Variants in PDE1C observed in about 807,000 individuals in gnomAD.
PDE1C encodes the protein dual specificity calcium/calmodulin-dependent 3',5'-cyclic nucleotide phosphodiesterase 1C.
In PDE1C, 62 loss-of-function variants were observed where a neutral mutation model predicts 93.1. The observed-to-expected ratio is 0.67, with a 90% CI of 0.54 to 0.82. PDE1C has a LOEUF of 0.82. Among genes scored for constraint, PDE1C ranks in the 40% least tolerant of loss-of-function variants. PDE1C has a pLI of 0.00. For missense variants in PDE1C, 742 were observed against 884.6 expected (o/e 0.84, Z 2.04); for synonymous variants, 325 against 310.1 (o/e 1.05, Z -0.50).
intron 11 of PDE1C, among the ~76,000 whole-genome samples, chr7:31,833,346 A>G (rs767629903): frequency 9.2e-5 from 14 of 152,172 alleles, no homozygotes; most frequent in Admixed American, 2.0e-4. Context: ...AATACAGTAA[A>G]TTGGTACTGG....
At chr7:32,070,660 G>A, upstream of PDE1C, 8 of 1,351,052 alleles carry the variant, frequency 5.9e-6, no homozygotes, top group Non-Finnish European at 7.6e-6. Context: ...ACAGGGATAG[G>A]GATAGAGATA....
intron 3 of PDE1C, among the ~76,000 whole-genome samples, chr7:32,157,262 T>C (rs2128795101): frequency 6.6e-6 from 1 of 152,350 alleles, no homozygotes; most frequent in African/African-American, 2.4e-5. Flanking sequence ...TAAGTTCTAG[T>C]ATTCGATAGT....
chr7:32,296,001 T>C (rs1187096865), intron 1 of PDE1C, among the ~76,000 whole-genome samples: 1 of 151,682 alleles, frequency 6.6e-6, no homozygotes, highest in African/African-American at 2.4e-5. Context: ...TAGCCAACAA[T>C]AGGAAGTTGA....
At chr7:31,906,345 TCTC>T (rs1016403342) in intron 2 of PDE1C, among the ~76,000 whole-genome samples, 7 of 152,186 alleles carry the variant, frequency 4.6e-5, no homozygotes, top group African/African-American at 7.2e-5. Context: ...AATGTCAACT[TCTC>T]CTAATAATTC....
chr7:31,970,637 CTTA>C (rs2129048203), intron 2 of PDE1C, among the ~76,000 whole-genome samples: 1 of 152,342 alleles, frequency 6.6e-6, no homozygotes, highest in South Asian at 2.1e-4. Context: ...TTCACTGACA[CTTA>C]TTAAGTATCT....
intron 1 of PDE1C, among the ~76,000 whole-genome samples, chr7:32,234,821 A>G (rs1187068986): frequency 3.9e-5 from 6 of 152,028 alleles, no homozygotes; most frequent in African/African-American, 7.2e-5. Context: ...ACAAAGAGAA[A>G]AACAACCACA....
intron 1 of PDE1C, among the ~76,000 whole-genome samples, chr7:32,307,324 T>A (rs1489548129): frequency 6.6e-6 from 1 of 152,096 alleles, no homozygotes; most frequent in Admixed American, 6.5e-5. Flanking sequence ...CTTCTCTGTA[T>A]CCTCTGCATC....
At chr7:31,896,829 T>C (rs2128911418) in intron 2 of PDE1C, among the ~76,000 whole-genome samples, 1 of 152,182 alleles carries the variant, frequency 6.6e-6, no homozygotes, top group East Asian at 1.9e-4. Flanking sequence ...TAAGCTACCT[T>C]GTCATGGTGT....
At chr7:31,829,680 T>C (rs2128749809) in intron 11 of PDE1C, among the ~76,000 whole-genome samples, 1 of 152,212 alleles carries the variant, frequency 6.6e-6, no homozygotes, top group Admixed American at 6.5e-5. Flanking sequence ...CCTAAGTGGC[T>C]CAGTTCCTTC....
At chr7:31,967,715 C>T (rs1810247387) in intron 2 of PDE1C, among the ~76,000 whole-genome samples, 2 of 152,104 alleles carry the variant, frequency 1.3e-5, no homozygotes, top group Middle Eastern at 3.2e-3. Context: ...CTCAATAAAA[C>T]ACTGGCAAAC....
At chr7:32,294,271 C>T (rs188294288) in intron 1 of PDE1C, among the ~76,000 whole-genome samples, 1 of 152,336 alleles carries the variant, frequency 6.6e-6, no homozygotes, top group Non-Finnish European at 1.5e-5. Flanking sequence ...GGCAGAAAAG[C>T]CAGTGGCTGT....
At chr7:32,215,773 A>G (rs1001482349) in intron 1 of PDE1C, among the ~76,000 whole-genome samples, 1 of 152,220 alleles carries the variant, frequency 6.6e-6, no homozygotes, top group Admixed American at 6.5e-5. Context: ...CACCCAAAAC[A>G]CTGCCACCCC....
At chr7:32,212,191 G>A (rs1302100650) in intron 1 of PDE1C, among the ~76,000 whole-genome samples, 2 of 152,094 alleles carry the variant, frequency 1.3e-5, no homozygotes, top group Non-Finnish European at 2.9e-5. Flanking sequence ...GCTCAGCTTG[G>A]AGTGTGCACA....
In PDE1C at chr7:32,208,713, C is replaced by CA. The variant is rs541827955; in HGVS notation, c.136+775_136+776insT. Among the ~76,000 whole-genome samples the CA allele has an allele frequency of 1.5e-3, 222 of 151,360 alleles. 1 individual carries two copies. Among genetic ancestry groups the CA allele is most frequent in the African/African-American group, 5.2e-3 (213 of 41,126 alleles). On this transcript the variant is annotated intron_variant, in intron 2 of 18. Transcript: ENST00000396193. Reference sequence around the variant, plus strand: ...CACCCTCATCCGTCTCTAGTATTTTCCCCCCCCTTCTTTGGAATCCAGGTT... The same window carrying CA: ...CACCCTCATCCGTCTCTAGTATTTTCACCCCCCCTTCTTTGGAATCCAGGTT...
At chr7:32,147,412 A>G (rs1800963160) in intron 3 of PDE1C, among the ~76,000 whole-genome samples, 1 of 152,168 alleles carries the variant, frequency 6.6e-6, no homozygotes, top group African/African-American at 2.4e-5. Context: ...AGCCAAAAGG[A>G]AGACTTCTTA....
the PDE1C span, among the ~76,000 whole-genome samples, chr7:31,714,225 T>C: frequency 6.6e-6 from 1 of 152,220 alleles, no homozygotes; most frequent in Non-Finnish European, 1.5e-5. Context: ...AAGTTCAAAG[T>C]TCCACAAATC....
chr7:31,909,472 C>T (rs148193562), intron 2 of PDE1C, among the ~76,000 whole-genome samples: 10 of 152,120 alleles, frequency 6.6e-5, no homozygotes, highest in African/African-American at 1.4e-4. Flanking sequence ...CTGCAATGAT[C>T]GGGACGCACA....
the PDE1C span, among the ~76,000 whole-genome samples, chr7:31,641,187 G>A: frequency 1.3e-5 from 2 of 152,256 alleles, no homozygotes; most frequent in South Asian, 2.1e-4. Context: ...CTAAGCAGAG[G>A]CTGGGATCAT....
At chr7:31,802,528 G>A (rs1786197767) in intron 16 of PDE1C, among the ~76,000 whole-genome samples, 1 of 151,322 alleles carries the variant, frequency 6.6e-6, no homozygotes, top group Non-Finnish European at 1.5e-5. Context: ...TCATTCTTTT[G>A]TACAGATCTA....
Sources: gnomAD v4.1 joint callset for allele counts (sites outside exome capture counted in the v4.1 genomes callset) on GRCh38, gnomAD v4.1.1 for gene constraint, MANE v1.5 for transcripts, NCBI Gene and HGNC (gene_info 2026-07-23, HGNC 2026-07-21) for gene names.